The following PLPP1 variants were observed in gnomAD, a reference collection of about 807,000 sequenced individuals.
The protein encoded by PLPP1 is phospholipid phosphatase 1.
Under a neutral mutation model 31.2 loss-of-function variants are expected in PLPP1, and 24 were observed. The observed-to-expected ratio is 0.77, with a 90% CI of 0.56 to 1.08. The LOEUF (loss-of-function observed/expected upper bound fraction) is 1.08, where lower values mean the gene tolerates loss of function less well. Ranked by LOEUF, PLPP1 falls within the 50% of genes least tolerant of loss-of-function variation. PLPP1 has a pLI of 0.00. For synonymous variants in PLPP1, 146 were observed against 126.3 expected (o/e 1.16, Z -1.05); for missense variants, 319 against 342.7 (o/e 0.93, Z 0.55).
intron 3 of PLPP1, among the ~76,000 whole-genome samples, chr5:55,453,377 T>C (rs1337800424): frequency 4.6e-5 from 7 of 152,198 alleles, no homozygotes; most frequent in Admixed American, 3.3e-4. Context: ...TTGGACTTCC[T>C]CATCAAAACC....
intron 4 of PLPP1, among the ~76,000 whole-genome samples, chr5:55,432,168 T>C (rs779830201): frequency 2.7e-5 from 4 of 150,616 alleles, no homozygotes; most frequent in Non-Finnish European, 5.9e-5. Flanking sequence ...GGTCTTGAAC[T>C]CATGGCTTCA....
chr5:55,513,292 C>T (rs977506163), intron 1 of PLPP1, among the ~76,000 whole-genome samples: 9 of 49,698 alleles, frequency 1.8e-4, no homozygotes, highest in Admixed American at 2.9e-4. Flanking sequence ...CAGAGTCTTG[C>T]TTTGTCACCC....
At chr5:55,534,206 A>C (rs1740790185) in intron 1 of PLPP1, among the ~76,000 whole-genome samples, 1 of 152,172 alleles carries the variant, frequency 6.6e-6, no homozygotes, top group South Asian at 2.1e-4. Context: ...TCAAACCTCC[A>C]GTTTCACTAC....
At chr5:55,455,314 C>T (rs1305890512) in intron 3 of PLPP1, among the ~76,000 whole-genome samples, 1 of 152,144 alleles carries the variant, frequency 6.6e-6, no homozygotes, top group Non-Finnish European at 1.5e-5. Context: ...AGGCCGGGCA[C>T]GGCACAGTGG....
chr5:55,500,416 A>G (rs1753114826), intron 1 of PLPP1, among the ~76,000 whole-genome samples: 1 of 152,150 alleles, frequency 6.6e-6, no homozygotes, highest in Non-Finnish European at 1.5e-5. Flanking sequence ...AAACATTGGG[A>G]AGTCTGGAAA....
intron 1 of PLPP1, among the ~76,000 whole-genome samples, chr5:55,493,977 C>A (rs1036455676): frequency 2.6e-5 from 4 of 151,830 alleles, no homozygotes; most frequent in African/African-American, 7.3e-5. Context: ...CCCAAGAATT[C>A]GAGGCTACGG....
intron 4 of PLPP1, among the ~76,000 whole-genome samples, chr5:55,430,343 A>G (rs919313707): frequency 1.3e-5 from 2 of 152,206 alleles, no homozygotes; most frequent in Non-Finnish European, 2.9e-5. Context: ...GGGCCCAAGG[A>G]CAGGCATGCT....
chr5:55,532,071 A>C (rs941962056), intron 1 of PLPP1, among the ~76,000 whole-genome samples: 3 of 152,248 alleles, frequency 2.0e-5, no homozygotes, highest in Non-Finnish European at 2.9e-5. Flanking sequence ...TCTTATTGAC[A>C]GCTATTGTAC....
chr5:55,494,991 C>G (rs895272590), intron 1 of PLPP1, among the ~76,000 whole-genome samples: 1 of 145,514 alleles, frequency 6.9e-6, no homozygotes, highest in Non-Finnish European at 1.5e-5. Context: ...AATAGCCGGG[C>G]ATGGTGGCGG....
intron 4 of PLPP1, among the ~76,000 whole-genome samples, chr5:55,428,253 T>C (rs1751259047): frequency 6.6e-6 from 1 of 152,258 alleles, no homozygotes; most frequent in Non-Finnish European, 1.5e-5. Context: ...GTTCTGTACC[T>C]AACCTTGTGC....
chr5:55,446,599 G>A (rs547957259), intron 3 of PLPP1, among the ~76,000 whole-genome samples: 2 of 152,144 alleles, frequency 1.3e-5, no homozygotes, highest in East Asian at 1.9e-4. Flanking sequence ...AAGTCATTAG[G>A]ACTCTATCTG....
intron 3 of PLPP1, among the ~76,000 whole-genome samples, chr5:55,442,452 G>A (rs1019112881): frequency 1.3e-5 from 2 of 152,092 alleles, no homozygotes; most frequent in African/African-American, 4.8e-5. Flanking sequence ...AGGAGATCGA[G>A]ACCATCCTGG....
intron 1 of PLPP1, among the ~76,000 whole-genome samples, chr5:55,497,779 G>A (rs1753034537): frequency 1.3e-5 from 2 of 152,108 alleles, no homozygotes; most frequent in South Asian, 4.2e-4. Flanking sequence ...ACCTCCTGAA[G>A]CTGCTATCAT....
chr5:55,444,997 G>GTCGC (rs1751726542), intron 3 of PLPP1, among the ~76,000 whole-genome samples: 1 of 151,834 alleles, frequency 6.6e-6, no homozygotes, highest in African/African-American at 2.4e-5. Context: ...TGATCTGCCC[G>GTCGC]CCTCGGCCTC....
chr5:55,486,443 A>G (rs1752776543), intron 1 of PLPP1, among the ~76,000 whole-genome samples: 1 of 151,476 alleles, frequency 6.6e-6, no homozygotes, highest in Admixed American at 6.6e-5. Context: ...AAAATTAGCC[A>G]GTTGTGGTGG....
intron 4 of PLPP1, among the ~76,000 whole-genome samples, chr5:55,437,455 T>TTTG (rs1554036855): frequency 5.4e-5 from 8 of 149,038 alleles, no homozygotes; most frequent in African/African-American, 1.2e-4. Context: ...AAGGAGTTTT[T>TTTG]TTTGTTTGTT....
At chr5:55,450,212 C>T (rs890051230) in intron 3 of PLPP1, among the ~76,000 whole-genome samples, 1 of 152,060 alleles carries the variant, frequency 6.6e-6, no homozygotes, top group African/African-American at 2.4e-5. Context: ...TCATTAATTC[C>T]TCAAATACCA....
At chr5:55,438,224 ATC>A (rs1751538732) in intron 4 of PLPP1, among the ~76,000 whole-genome samples, 1 of 152,158 alleles carries the variant, frequency 6.6e-6, no homozygotes, top group African/African-American at 2.4e-5. Context: ...TAAATTTGGA[ATC>A]TCTGGCATTC....
chr5:55,456,176 T>C (rs1275689840), intron 3 of PLPP1, among the ~76,000 whole-genome samples: 7 of 152,174 alleles, frequency 4.6e-5, no homozygotes, highest in Non-Finnish European at 8.8e-5. Flanking sequence ...TTAATAAGTA[T>C]TCTATTAAAG....
Sources: gnomAD v4.1 joint callset for allele counts (sites outside exome capture counted in the v4.1 genomes callset) on GRCh38, gnomAD v4.1.1 for gene constraint, MANE v1.5 for transcripts, NCBI Gene and HGNC (gene_info 2026-07-23, HGNC 2026-07-21) for gene names.